STARD13: variants seen among roughly 807,000 people sequenced by gnomAD.
STARD13 encodes stAR-related lipid transfer protein 13.
Under a neutral mutation model 106.4 loss-of-function variants are expected in STARD13, and 62 were observed. The ratio of observed to expected loss-of-function variants is 0.58; its 90% CI spans 0.48 to 0.72. STARD13 has a LOEUF of 0.72. Ranked by LOEUF, STARD13 falls within the 30% of genes least tolerant of loss-of-function variation. The probability of loss-of-function intolerance (pLI) is 0.00; values close to 1 mark genes in which losing one functional copy is unlikely to be tolerated. For missense variants in STARD13, 1,387 were observed against 1,424.0 expected, an observed-to-expected ratio of 0.97 and a Z score of 0.42; for synonymous variants, 565 against 553.0, an observed-to-expected ratio of 1.02 and a Z score of -0.31.
chr13:33,131,435 AT>A (rs34709429), intron 4 of STARD13, among the ~76,000 whole-genome samples: 100,208 of 143,260 alleles, frequency 0.7, 33,655 homozygotes, highest in Non-Finnish European at 0.73. Context: ...GAATCATATG[AT>A]TTTTTTTTTT....
intron 12 of STARD13, among the ~76,000 whole-genome samples, chr13:33,108,765 A>G (rs542190169): frequency 1.6e-4 from 25 of 152,312 alleles, no homozygotes; most frequent in African/African-American, 4.3e-4. Flanking sequence ...GAGGCACGCT[A>G]TGGCATGGCC....
the STARD13 span, among the ~76,000 whole-genome samples, chr13:33,431,120 C>T: frequency 6.6e-6 from 1 of 152,072 alleles, no homozygotes; most frequent in Non-Finnish European, 1.5e-5. Context: ...ATGGATATTC[C>T]AATTATTCTA....
the STARD13 span, among the ~76,000 whole-genome samples, chr13:33,426,044 C>A: frequency 6.6e-6 from 1 of 152,176 alleles, no homozygotes; most frequent in Non-Finnish European, 1.5e-5. Context: ...CTTTTCTATA[C>A]TACTTCCATA....
the STARD13 span, among the ~76,000 whole-genome samples, chr13:33,494,595 G>C: frequency 6.6e-6 from 1 of 152,102 alleles, no homozygotes; most frequent in African/African-American, 2.4e-5. Context: ...GCATTTGGTC[G>C]TTGTCTACTA....
chr13:33,634,390 A>T, the STARD13 span, among the ~76,000 whole-genome samples: 2 of 152,288 alleles, frequency 1.3e-5, no homozygotes, highest in African/African-American at 2.4e-5. Context: ...AATATTTCTC[A>T]TTGTCATCAG....
the STARD13 span, among the ~76,000 whole-genome samples, chr13:33,495,427 C>A: frequency 2.0e-5 from 3 of 152,054 alleles, no homozygotes; most frequent in Non-Finnish European, 4.4e-5. Flanking sequence ...TTCGAGAAAG[C>A]CTTGAAGATA....
intron 1 of STARD13, among the ~76,000 whole-genome samples, chr13:33,227,699 G>C (rs971600268): frequency 1.2e-4 from 19 of 152,168 alleles, no homozygotes; most frequent in African/African-American, 4.3e-4. Flanking sequence ...GGGTACAACA[G>C]GGAGGCAAGA....
Position 33,242,183 on chromosome 13 carries a change from C to T in STARD13, c.169+43287G>A, listed in dbSNP as rs191044189. Reference sequence around the variant, plus strand: ...GTCTGAGAAGTGAGGAGCCCCTCCGCCCAGCAGCCGCCCCATCCGGGAGGT... The same window carrying T: ...GTCTGAGAAGTGAGGAGCCCCTCCGTCCAGCAGCCGCCCCATCCGGGAGGT... On this transcript the variant is annotated intron_variant, in intron 1 of 13. Transcript: ENST00000336934. Among the ~76,000 whole-genome samples, 4 of 152,306 alleles carry T rather than the reference C, an allele frequency of 2.6e-5. No individual in the cohort carries two copies. The East Asian group carries it at 7.7e-4, about 29-fold the overall frequency.
the STARD13 span, among the ~76,000 whole-genome samples, chr13:33,589,235 T>G: frequency 2.0e-5 from 3 of 152,250 alleles, no homozygotes; most frequent in African/African-American, 7.2e-5. Context: ...TTGTCAATCT[T>G]TTCAAAAAAC....
chr13:33,390,870 C>T, the STARD13 span, among the ~76,000 whole-genome samples: 1 of 152,148 alleles, frequency 6.6e-6, no homozygotes, highest in African/African-American at 2.4e-5. Context: ...TCCCTTTTCT[C>T]CTCTAGATAA....
the STARD13 span, among the ~76,000 whole-genome samples, chr13:33,492,547 C>T: frequency 1.7e-3 from 253 of 152,082 alleles, 1 homozygote; most frequent in South Asian, 6.2e-3. Flanking sequence ...ACAAAACCTA[C>T]CAAAACCAAG....
At chr13:33,368,404 A>G in the STARD13 span, among the ~76,000 whole-genome samples, 3 of 152,354 alleles carry the variant, frequency 2.0e-5, no homozygotes, top group Middle Eastern at 3.4e-3. Flanking sequence ...GGCACATAGT[A>G]TAAAGGCATT....
intron 1 of STARD13, among the ~76,000 whole-genome samples, chr13:33,221,182 T>C (rs1161814912): frequency 1.3e-5 from 2 of 152,184 alleles, no homozygotes; most frequent in African/African-American, 4.8e-5. Flanking sequence ...ATGCAACCAA[T>C]CTCCAGAACT....
the STARD13 span, among the ~76,000 whole-genome samples, chr13:33,652,487 T>G: frequency 6.6e-6 from 1 of 152,200 alleles, no homozygotes; most frequent in Non-Finnish European, 1.5e-5. Context: ...TTTTTCCCCA[T>G]ACATTTTATT....
At chr13:33,452,333 G>A in the STARD13 span, among the ~76,000 whole-genome samples, 2 of 151,990 alleles carry the variant, frequency 1.3e-5, no homozygotes. Context: ...GCTGGAGCTG[G>A]GGGCAGTTGT....
At chr13:33,610,059 TAC>T in the STARD13 span, among the ~76,000 whole-genome samples, 1 of 147,318 alleles carries the variant, frequency 6.8e-6, no homozygotes, top group South Asian at 2.1e-4. Context: ...AAGCTAGATT[TAC>T]ATTGATATTC....
the STARD13 span, among the ~76,000 whole-genome samples, chr13:33,458,720 G>C: frequency 4.0e-5 from 6 of 151,836 alleles, no homozygotes; most frequent in Admixed American, 3.9e-4. Context: ...ATTACAAAAG[G>C]GCATCTTCTT....
chr13:33,146,670 C>T (rs1880587615), intron 3 of STARD13, among the ~76,000 whole-genome samples: 1 of 152,066 alleles, frequency 6.6e-6, no homozygotes, highest in Non-Finnish European at 1.5e-5. Context: ...TCCAAAACCC[C>T]ACTTCTTCAT....
intron 4 of STARD13, 84 bp downstream of exon 4, chr13:33,142,226 G>C (rs1168022765): frequency 9.9e-7 from 1 of 1,012,490 alleles, no homozygotes; most frequent in Admixed American, 1.8e-5. Context: ...TAGACACAAG[G>C]GTCTCACTAT....
Sources: gnomAD v4.1 joint callset for allele counts (sites outside exome capture counted in the v4.1 genomes callset) on GRCh38, gnomAD v4.1.1 for gene constraint, MANE v1.5 for transcripts, NCBI Gene and HGNC (gene_info 2026-07-23, HGNC 2026-07-21) for gene names.